Variants in PACRG observed in about 807,000 individuals in gnomAD.
PACRG encodes the protein parkin coregulated.
Under a neutral mutation model 29.7 loss-of-function variants are expected in PACRG, and 29 were observed. The ratio of observed to expected loss-of-function variants is 0.98; its 90% confidence interval spans 0.73 to 1.33. The LOEUF (loss-of-function observed/expected upper bound fraction) is 1.33, where lower values mean the gene tolerates loss of function less well. Among genes scored for constraint, PACRG ranks in the 40% most tolerant of loss-of-function variants. The pLI, the probability that PACRG is intolerant of heterozygous loss-of-function variation, is 0.00. For missense variants in PACRG, 279 were observed against 316.2 expected, an observed-to-expected ratio of 0.88 and a Z score of 0.89; for synonymous variants, 116 against 118.7, an observed-to-expected ratio of 0.98 and a Z score of 0.15.
chr6:163,149,484 C>T (rs1777983789), intron 4 of PACRG, among the ~76,000 whole-genome samples: 1 of 152,200 alleles, frequency 6.6e-6, no homozygotes. Flanking sequence ...AAACCCCAGT[C>T]TCCTCGCTTT....
intron 3 of PACRG, among the ~76,000 whole-genome samples, chr6:163,088,175 T>C (rs1043810795): frequency 1.3e-5 from 2 of 152,178 alleles, no homozygotes; most frequent in Non-Finnish European, 2.9e-5. Flanking sequence ...GCCTCAGAGA[T>C]GTATTGACCA....
intron 4 of PACRG, chr6:163,244,984 T>A (rs1346793730): frequency 2.2e-6 from 1 of 450,452 alleles, no homozygotes; most frequent in South Asian, 1.6e-5. Flanking sequence ...GTTAGCGAAG[T>A]GGGGAGGTCC....
intron 2 of PACRG, among the ~76,000 whole-genome samples, chr6:162,907,966 A>T (rs569878189): frequency 6.6e-6 from 1 of 152,156 alleles, no homozygotes; most frequent in East Asian, 1.9e-4. Context: ...TGCCTTGAAA[A>T]CCTAAGAGCT....
chr6:162,973,332 C>T (rs562790701), intron 2 of PACRG, among the ~76,000 whole-genome samples: 8 of 152,328 alleles, frequency 5.3e-5, no homozygotes, highest in African/African-American at 1.7e-4. Context: ...GAAAGCCAGA[C>T]GATGTGAAAG....
chr6:162,765,928 T>C (rs1173218684), intron 1 of PACRG, among the ~76,000 whole-genome samples: 4 of 152,194 alleles, frequency 2.6e-5, no homozygotes, highest in Admixed American at 2.6e-4. Context: ...TTAAGAAGTT[T>C]TATTTTATTT....
chr6:163,005,453 T>G (rs1804978017), intron 2 of PACRG, among the ~76,000 whole-genome samples: 1 of 151,928 alleles, frequency 6.6e-6, no homozygotes, highest in African/African-American at 2.4e-5. Flanking sequence ...TGTTTCCTTC[T>G]AATTATTACT....
chr6:162,911,587 C>T (rs749653537), intron 2 of PACRG, among the ~76,000 whole-genome samples: 1 of 152,152 alleles, frequency 6.6e-6, no homozygotes, highest in South Asian at 2.1e-4. Flanking sequence ...TTGTAGGTCT[C>T]CCCTGGGGCA....
chr6:163,110,014 C>T (rs1021047012), intron 4 of PACRG, among the ~76,000 whole-genome samples: 3 of 144,902 alleles, frequency 2.1e-5, no homozygotes, highest in African/African-American at 5.7e-5. Flanking sequence ...TAGAGCTTGG[C>T]CACTGAGATT....
At chr6:163,314,688 A>T in intron 4 of PACRG, 139 bp from the exon 5 acceptor site, 2 of 941,564 alleles carry the variant, frequency 2.1e-6, no homozygotes, top group Non-Finnish European at 2.9e-6. Flanking sequence ...CACTGCTTTT[A>T]AAACTCCGCA....
chr6:163,200,303 G>A (rs909116175), intron 4 of PACRG, among the ~76,000 whole-genome samples: 3 of 151,998 alleles, frequency 2.0e-5, no homozygotes, highest in Non-Finnish European at 4.4e-5. Flanking sequence ...ACAAAATCAG[G>A]AACTGGGACA....
intron 4 of PACRG, among the ~76,000 whole-genome samples, chr6:163,222,289 G>A (rs76295969): frequency 5.7e-4 from 87 of 152,308 alleles, no homozygotes; most frequent in Admixed American, 8.5e-4. Flanking sequence ...TGTTCCTGGC[G>A]ATGCTGTGAG....
chr6:162,755,866 GT>G (rs573068172), intron 1 of PACRG, among the ~76,000 whole-genome samples: 394 of 151,218 alleles, frequency 2.6e-3, no homozygotes, highest in African/African-American at 8.8e-3. Context: ...GTCACAAAAT[GT>G]TTTTTTTTAA....
chr6:163,302,110 C>T (rs2128190345), intron 4 of PACRG, among the ~76,000 whole-genome samples: 1 of 152,316 alleles, frequency 6.6e-6, no homozygotes, highest in Admixed American at 6.5e-5. Flanking sequence ...CAGCATATTT[C>T]ACCTATCAAC....
intron 2 of PACRG, among the ~76,000 whole-genome samples, chr6:163,056,719 C>T (rs1418916001): frequency 6.6e-6 from 1 of 152,144 alleles, no homozygotes; most frequent in Non-Finnish European, 1.5e-5. Context: ...AATAGATAAA[C>T]TGAAAATCTC....
chr6:163,236,557 T>C (rs1043576911), intron 4 of PACRG, among the ~76,000 whole-genome samples: 1 of 148,570 alleles, frequency 6.7e-6, no homozygotes, highest in African/African-American at 2.6e-5. Flanking sequence ...GAAATATGAC[T>C]GTGTTACACA....
At chr6:163,245,967 T>A (rs751022101) in intron 4 of PACRG, among the ~76,000 whole-genome samples, 3 of 152,164 alleles carry the variant, frequency 2.0e-5, no homozygotes, top group Admixed American at 6.5e-5. Flanking sequence ...ATGGTCTTCA[T>A]GAATCTGCTC....
intron 4 of PACRG, among the ~76,000 whole-genome samples, chr6:163,153,007 C>A (rs1353950531): frequency 2.0e-5 from 3 of 152,136 alleles, no homozygotes; most frequent in Non-Finnish European, 4.4e-5. Context: ...ACTAATTATG[C>A]ACTCTTGATG....
chr6:162,832,118 C>T (rs181702507), intron 2 of PACRG, among the ~76,000 whole-genome samples: 1 of 152,278 alleles, frequency 6.6e-6, no homozygotes, highest in East Asian at 1.9e-4. Flanking sequence ...AATTACATTC[C>T]CATAAACAGT....
chr6:162,901,605 A>G (rs562918430), intron 2 of PACRG, among the ~76,000 whole-genome samples: 1 of 152,374 alleles, frequency 6.6e-6, no homozygotes, highest in South Asian at 2.1e-4. Flanking sequence ...GATAGAGATC[A>G]ACAACCTCAA....
Sources: gnomAD v4.1 joint callset for allele counts (sites outside exome capture counted in the v4.1 genomes callset) on GRCh38, gnomAD v4.1.1 for gene constraint, MANE v1.5 for transcripts, NCBI Gene and HGNC (gene_info 2026-07-23, HGNC 2026-07-21) for gene names.